Variants in ZC3H18 observed in about 807,000 individuals in gnomAD.
ZC3H18 encodes the protein zinc finger CCCH domain-containing protein 18.
A neutral mutation model predicts 106.1 loss-of-function variants in ZC3H18; 8 were observed. The ratio of observed to expected loss-of-function variants is 0.08; its 90% CI spans 0.04 to 0.14. The LOEUF (loss-of-function observed/expected upper bound fraction) is 0.14, where lower values mean the gene tolerates loss of function less well. ZC3H18 is among the 10% of genes least tolerant of loss of function. ZC3H18 has a pLI of 1.00. For missense variants in ZC3H18, 1,318 were observed against 1,278.4 expected, an observed-to-expected ratio of 1.03 and a Z score of -0.47; for synonymous variants, 635 against 522.1, an observed-to-expected ratio of 1.22 and a Z score of -2.95.
intron 9 of ZC3H18, chr16:88,622,769 C>T (rs1038201755): frequency 1.0e-5 from 3 of 291,780 alleles, no homozygotes; most frequent in African/African-American, 6.6e-5. Context: ...GTCCTGGTCT[C>T]AGCACACAGG....
rs750795421 is a variant in ZC3H18, at chr16:88,622,398, G to A, written c.1667+10G>A. 4.9e-5 allele frequency: 78 copies of A among 1,596,662 alleles called. No homozygotes were observed. Among genetic ancestry groups the A allele is most frequent in the South Asian group, 4.5e-4 (40 of 89,244 alleles). On this transcript the variant is annotated intron_variant, in intron 9 of 17. Transcript: ENST00000301011. ...CCTCTAATTCCTCCAGGTAAGGAGG[G>A]CTCGTGGGACGGCTGGGGTGTCAGC...
rs998108773 is a variant in ZC3H18, at chr16:88,631,352, A to G, written c.*53A>G. 3 of 1,547,302 alleles carry G rather than the reference A, an allele frequency of 1.9e-6. No individual in the cohort carries two copies. The highest frequency in any genetic ancestry group is 3.9e-5 in the Admixed American group (2 of 50,868). On this transcript the variant is annotated 3_prime_UTR_variant, in exon 18 of 18. Transcript: ENST00000301011. Reference sequence around the variant, plus strand: ...TTTTATACATAGGGTAAGCGCAGCCATTTTGGATTTTGCAGTTAATGTCTT... The same window carrying G: ...TTTTATACATAGGGTAAGCGCAGCCGTTTTGGATTTTGCAGTTAATGTCTT...
chr16:88,620,021 G>A (rs1211712649), intron 8 of ZC3H18, among the ~76,000 whole-genome samples: 1 of 152,220 alleles, frequency 6.6e-6, no homozygotes, highest in African/African-American at 2.4e-5. Flanking sequence ...TTGGGCTGAC[G>A]TACAGGAGCT....
At chr16:88,607,322 T>C (rs576991977) in intron 6 of ZC3H18, among the ~76,000 whole-genome samples, 4 of 152,196 alleles carry the variant, frequency 2.6e-5, no homozygotes, top group Non-Finnish European at 5.9e-5. Flanking sequence ...GTGTCTGGCG[T>C]GTCTTTTCAT....
intron 15 of ZC3H18, among the ~76,000 whole-genome samples, 187 bp downstream of exon 15, chr16:88,628,306 C>A (rs1906443162): frequency 6.6e-6 from 1 of 152,160 alleles, no homozygotes; most frequent in Non-Finnish European, 1.5e-5. Context: ...GTGTGAGCAT[C>A]TGGGGAGGTT....
intron 2 of ZC3H18, among the ~76,000 whole-genome samples, chr16:88,586,290 G>A (rs578061204): frequency 2.6e-5 from 4 of 152,282 alleles, no homozygotes; most frequent in Admixed American, 1.3e-4. Context: ...TTAAAACCCC[G>A]AAGTGTTACT....
At chr16:88,610,346 G>A (rs1290236262) in intron 7 of ZC3H18, among the ~76,000 whole-genome samples, 1 of 152,182 alleles carries the variant, frequency 6.6e-6, no homozygotes. Flanking sequence ...ATCAGGGTGA[G>A]CTTGCAGAGG....
In ZC3H18 at chr16:88,624,640, C is replaced by T. The variant is rs1301308339; in HGVS notation, c.1937C>T (p.Pro646Leu). The change falls in exon 12 of 18, where the codon CCA becomes CTA. Residue 646 changes from proline (P) to leucine (L), a missense_variant. Pro to Leu is a moderately conservative substitution (Grantham distance 98, BLOSUM62 -3). Around this residue, in one of 6 missense-constraint regions of ZC3H18, gnomAD observed 848 missense variants for 821.7 expected, o/e 1.03. Transcript: ENST00000301011. ...AAGAAGCCGGCCCCGCCTCCAGCCC[C>T]ACCACAGGCCACCAAAACCACTGCT... ...SVKKPAPPPA[P>L]PQATKTTAPV... is the part of the protein sequence containing the mutation. The T allele has an allele frequency of 1.2e-6, 2 of 1,614,026 alleles. No individual in the cohort carries two copies. Among genetic ancestry groups the T allele is most frequent in the African/African-American group, 1.3e-5 (1 of 75,048 alleles).
At chr16:88,583,215 T>C (rs1261901243) in intron 2 of ZC3H18, among the ~76,000 whole-genome samples, 2 of 152,248 alleles carry the variant, frequency 1.3e-5, no homozygotes, top group Non-Finnish European at 2.9e-5. Context: ...AAGTAATACA[T>C]GTTCACAGTG....
At chr16:88,607,207 C>T (rs1905054373) in intron 6 of ZC3H18, among the ~76,000 whole-genome samples, 1 of 152,208 alleles carries the variant, frequency 6.6e-6, no homozygotes, top group Admixed American at 6.5e-5. Context: ...CCTGGGTCTG[C>T]CTCTGGACCT....
chr16:88,585,984 G>A (rs1915410374), intron 2 of ZC3H18, among the ~76,000 whole-genome samples: 1 of 152,128 alleles, frequency 6.6e-6, no homozygotes, highest in Non-Finnish European at 1.5e-5. Context: ...GTGGGAACAG[G>A]CCCTGGGACA....
intron 6 of ZC3H18, chr16:88,608,614 C>G (rs1905124958): frequency 5.9e-6 from 1 of 168,854 alleles, no homozygotes; most frequent in Non-Finnish European, 1.3e-5. Flanking sequence ...CCACCTGCCT[C>G]GGCCTCCCAC....
chr16:88,582,308 T>C (rs2142561104), intron 2 of ZC3H18, among the ~76,000 whole-genome samples: 1 of 126,928 alleles, frequency 7.9e-6, no homozygotes, highest in South Asian at 2.7e-4. Flanking sequence ...CACTGCAACC[T>C]CTGCCTCCCG....
intron 3 of ZC3H18, among the ~76,000 whole-genome samples, chr16:88,588,738 G>A (rs1379277519): frequency 6.6e-6 from 1 of 152,046 alleles, no homozygotes; most frequent in African/African-American, 2.4e-5. Context: ...AACTTAGCAG[G>A]GTTTGGTGGC....
At chr16:88,591,832 G>A (rs888047289) in intron 3 of ZC3H18, among the ~76,000 whole-genome samples, 3 of 150,404 alleles carry the variant, frequency 2.0e-5, no homozygotes, top group Admixed American at 6.6e-5. Context: ...TTCTGATGAC[G>A]TGGTGGTTGT....
intron 7 of ZC3H18, among the ~76,000 whole-genome samples, chr16:88,610,308 C>G (rs1905212263): frequency 1.3e-5 from 2 of 152,160 alleles, no homozygotes; most frequent in African/African-American, 4.8e-5. Context: ...GCTTTGAGGA[C>G]CAGGTGCGGC....
chr16:88,577,349 C>T lies in ZC3H18; in HGVS notation c.226C>T (p.Pro76Ser). 1.2e-6 allele frequency: 2 copies of T among 1,601,738 alleles called. No homozygotes were observed. Among genetic ancestry groups the T allele is most frequent in the Non-Finnish European group, 1.7e-6 (2 of 1,172,814 alleles). The change falls in exon 2 of 18, where the codon CCT becomes TCT. Residue 76 changes from proline to serine, a missense_variant. Coordinates refer to ENST00000301011, the MANE Select transcript of ZC3H18 (RefSeq NM_144604.4). The part of the protein sequence containing the change: ...HSDEEDRASE[P>S]KSQDQDSEVN... ...CGACGAGGAGGACCGGGCAAGTGAG[C>T]CTAAATCCCAAGACCAGGACTCAGA...
chr16:88,611,962 T>A (rs1338295392), intron 8 of ZC3H18, among the ~76,000 whole-genome samples: 1 of 151,974 alleles, frequency 6.6e-6, no homozygotes, highest in Non-Finnish European at 1.5e-5. Context: ...TGGGCTCAGG[T>A]GCTGTGGGGC....
chr16:88,613,089 T>C (rs1905362881), intron 8 of ZC3H18, among the ~76,000 whole-genome samples: 1 of 152,224 alleles, frequency 6.6e-6, no homozygotes, highest in Non-Finnish European at 1.5e-5. Flanking sequence ...TTTGTGTCTC[T>C]AGGTATCTGC....
Sources: allele counts gnomAD v4.1 joint callset (sites outside exome capture counted in the v4.1 genomes callset), GRCh38; gene constraint gnomAD v4.1.1; regional missense constraint gnomAD v4.1.1; transcripts MANE v1.5; gene names NCBI Gene and HGNC (gene_info 2026-07-23, HGNC 2026-07-21).